Variants in CDC27 observed in about 807,000 individuals in gnomAD.
CDC27 encodes the protein cell division cycle protein 27 homolog.
CDC27 carries 27 observed loss-of-function variants against 109.7 expected under a neutral mutation model. The observed-to-expected ratio is 0.25, with a 90% CI of 0.18 to 0.34. CDC27 has a LOEUF of 0.34. Among genes scored for constraint, CDC27 ranks in the 10% least tolerant of loss-of-function variants. CDC27 has a pLI of 1.00. For missense variants in CDC27, 579 were observed against 960.2 expected (o/e 0.60, Z 5.25); for synonymous variants, 266 against 333.9 (o/e 0.80, Z 2.22).
At chr17:47,184,814 A>T (rs2064369828) in intron 1 of CDC27, among the ~76,000 whole-genome samples, 1 of 152,242 alleles carries the variant, frequency 6.6e-6, no homozygotes. Flanking sequence ...TTAGTAGCTG[A>T]TGATGAACAG....
At chr17:47,146,843 T>C (rs990620406) in intron 9 of CDC27, among the ~76,000 whole-genome samples, 10 of 151,942 alleles carry the variant, frequency 6.6e-5, no homozygotes, top group African/African-American at 2.4e-4. Context: ...GGTGGGAGGA[T>C]TGCTTGAGGC....
At chr17:47,176,758 TATA>T (rs1443238481) in intron 2 of CDC27, among the ~76,000 whole-genome samples, 1 of 152,186 alleles carries the variant, frequency 6.6e-6, no homozygotes, top group East Asian at 1.9e-4. Context: ...TAGATTTGAA[TATA>T]TTGAGTTTGA....
intron 4 of CDC27, among the ~76,000 whole-genome samples, chr17:47,168,462 TCTC>T (rs887803834): frequency 4.6e-5 from 7 of 152,176 alleles, no homozygotes; most frequent in African/African-American, 1.2e-4. Context: ...CTGTTTCTCT[TCTC>T]CTACTCTATT....
At chr17:47,188,306 G>T (rs897085487) in intron 1 of CDC27, among the ~76,000 whole-genome samples, 2 of 152,112 alleles carry the variant, frequency 1.3e-5, no homozygotes. Context: ...CAGATGTCAG[G>T]GGGGAAAATG....
At chr17:47,148,103 C>A (rs1232854599) in intron 9 of CDC27, among the ~76,000 whole-genome samples, 1 of 150,576 alleles carries the variant, frequency 6.6e-6, no homozygotes. Context: ...GAGGCTGAGG[C>A]AGGAGAATCG....
intron 13 of CDC27, 28 bp from the exon 14 acceptor site, chr17:47,137,388 C>T (rs1568384791): frequency 1.4e-6 from 2 of 1,438,132 alleles, no homozygotes; most frequent in South Asian, 1.4e-5. Flanking sequence ...AAAAACCAAA[C>T]AGAATTAAAA....
chr17:47,158,708 TC>T (rs1165055732), intron 4 of CDC27, among the ~76,000 whole-genome samples: 2 of 151,948 alleles, frequency 1.3e-5, no homozygotes, highest in African/African-American at 4.8e-5. Context: ...AACCCCTACT[TC>T]CTACGCTAAA....
At chr17:47,171,770 T>C (rs758122672) in intron 3 of CDC27, 147 bp downstream of exon 3, 7 of 571,406 alleles carry the variant, frequency 1.2e-5, no homozygotes, top group Non-Finnish European at 2.1e-5. Context: ...AATAATGCCA[T>C]AGGCAACAGT....
rs1004619478 is a variant in CDC27 at position 47,118,848 on chromosome 17, C to G, written c.*2087G>C. The G allele has an allele frequency of 6.6e-6, 1 of 152,202 alleles. No homozygotes were observed. The highest frequency in any genetic ancestry group is 2.4e-5 in the African/African-American group (1 of 41,450). The allele number at this position is 152,202 out of a possible 1,614,324, so 9.4% of individuals were successfully genotyped here. ...ATGAGGAAAAATAAAATAGGCCAAG[C>G]TTGGGCGGAAACTGTCCCCCAACCA... On this transcript the variant is annotated 3_prime_UTR_variant, in exon 19 of 19. Transcript: ENST00000066544.
Position 47,140,363 on chromosome 17 carries a change from C to T in CDC27, c.1552-1472G>A, listed in dbSNP as rs530943763. On this transcript the variant is annotated intron_variant, in intron 12 of 18. Transcript: ENST00000066544. ...TCCTGAGCTCAAGTGATCCCCCTTCCTTGGCCTCCCAAAGTGCTGGTATTA... is the reference window on the plus strand; with the variant it reads ...TCCTGAGCTCAAGTGATCCCCCTTCTTTGGCCTCCCAAAGTGCTGGTATTA... 3.3e-5 allele frequency among the ~76,000 whole-genome samples: 5 copies of T among 152,258 alleles called. No individual in the cohort carries two copies. In the East Asian group the frequency reaches 7.7e-4, roughly 24 times the overall value.
At chr17:47,165,609 G>A (rs1481325769) in intron 4 of CDC27, among the ~76,000 whole-genome samples, 1 of 152,106 alleles carries the variant, frequency 6.6e-6, no homozygotes, top group Admixed American at 6.6e-5. Flanking sequence ...TTTCTCCCAG[G>A]CTGTGACTTG....
In CDC27 at chr17:47,129,446, G is replaced by A; in HGVS notation, c.2107C>T (p.Pro703Ser). 6.2e-7 allele frequency: 1 copy of A among 1,610,764 alleles called. No homozygotes were observed. The highest frequency in any genetic ancestry group is 8.5e-7 in the Non-Finnish European group (1 of 1,177,178). ...NKAIVIDPKN[P>S]LCKFHRASVL... ...GAGGCTCTGTGAAATTTGCATAGAGGGTTCTTGGGATCAATGACAATGGCT... is the reference window on the plus strand; with the variant it reads ...GAGGCTCTGTGAAATTTGCATAGAGAGTTCTTGGGATCAATGACAATGGCT... Residue 703 changes from proline to serine, a missense_variant, in exon 16 of 19, where the codon CCT (proline) becomes TCT (serine). By Grantham distance (74) the Pro-to-Ser change is moderately conservative. Coordinates refer to ENST00000066544, the MANE Select transcript of CDC27 (RefSeq NM_001256.6).
At chr17:47,155,938 G>C (rs1376490200) in intron 7 of CDC27, among the ~76,000 whole-genome samples, 1 of 152,168 alleles carries the variant, frequency 6.6e-6, no homozygotes, top group Non-Finnish European at 1.5e-5. Context: ...GGGTGACAGA[G>C]TGAGATCCTG....
chr17:47,178,724 A>C (rs926786939), intron 2 of CDC27, among the ~76,000 whole-genome samples: 2 of 152,154 alleles, frequency 1.3e-5, no homozygotes, highest in Non-Finnish European at 2.9e-5. Context: ...TATTTTAAAG[A>C]TAAGGAAAAT....
intron 13 of CDC27, 52 bp downstream of exon 13, chr17:47,138,687 T>C: frequency 1.6e-6 from 2 of 1,285,698 alleles, no homozygotes; most frequent in Non-Finnish European, 2.3e-6. Context: ...CTCTATCTGT[T>C]GAGGGTGATC....
At chr17:47,131,348 C>T (rs1230834401) in intron 15 of CDC27, among the ~76,000 whole-genome samples, 3 of 152,122 alleles carry the variant, frequency 2.0e-5, no homozygotes, top group African/African-American at 7.2e-5. Flanking sequence ...CTTGCCCTGT[C>T]TTACGGTGCT....
intron 14 of CDC27, among the ~76,000 whole-genome samples, chr17:47,135,113 AC>A (rs1265997908): frequency 2.0e-5 from 3 of 152,154 alleles, no homozygotes; most frequent in Non-Finnish European, 2.9e-5. Context: ...AAAGATTCTA[AC>A]CAGGTTCTTC....
intron 18 of CDC27, among the ~76,000 whole-genome samples, chr17:47,122,098 T>G (rs1470694613): frequency 6.6e-6 from 1 of 152,100 alleles, no homozygotes; most frequent in Non-Finnish European, 1.5e-5. Flanking sequence ...AGGCATCTAA[T>G]CAGAATTTAT....
chr17:47,163,731 C>T (rs922409398), intron 4 of CDC27, among the ~76,000 whole-genome samples: 7 of 152,174 alleles, frequency 4.6e-5, no homozygotes, highest in Admixed American at 2.0e-4. Flanking sequence ...TACAACAGAT[C>T]ACATGTATGA....
Sources: gnomAD v4.1 joint callset for allele counts (sites outside exome capture counted in the v4.1 genomes callset) on GRCh38, gnomAD v4.1.1 for gene constraint, MANE v1.5 for transcripts, NCBI Gene and HGNC (gene_info 2026-07-23, HGNC 2026-07-21) for gene names.